DLGAP1: variants seen among roughly 807,000 people sequenced by gnomAD.
The protein encoded by DLGAP1 is DLG associated protein 1, also known as disks large-associated protein 1.
In DLGAP1, 11 loss-of-function variants were observed where a neutral mutation model predicts 90.8. That is an observed-to-expected ratio of 0.12 (90% confidence interval 0.08 to 0.20). DLGAP1 has a LOEUF of 0.20. Among genes scored for constraint, DLGAP1 ranks in the 10% least tolerant of loss-of-function variants. The probability of loss-of-function intolerance (pLI) is 1.00; values close to 1 mark genes in which losing one functional copy is unlikely to be tolerated. For missense variants in DLGAP1, 1,050 were observed against 1,333.8 expected (o/e 0.79, Z 3.31); for synonymous variants, 558 against 540.7 (o/e 1.03, Z -0.44).
chr18:3,799,730 G>A (rs892301132), intron 5 of DLGAP1, among the ~76,000 whole-genome samples: 2 of 151,952 alleles, frequency 1.3e-5, no homozygotes, highest in African/African-American at 2.4e-5. Context: ...TGAGGGCTGC[G>A]GAGTGCAGGC....
intron 1 of DLGAP1, among the ~76,000 whole-genome samples, chr18:4,315,003 T>C (rs1042226347): frequency 6.6e-6 from 1 of 152,216 alleles, no homozygotes; most frequent in Non-Finnish European, 1.5e-5. Context: ...TTGGGACTTA[T>C]GAAATTTATT....
intron 10 of DLGAP1, among the ~76,000 whole-genome samples, chr18:3,515,689 GGA>G (rs2050800390): frequency 6.6e-6 from 1 of 150,594 alleles, no homozygotes; most frequent in South Asian, 2.1e-4. Context: ...TGAGTTGGGA[GGA>G]TCACCTGAGC....
chr18:4,225,413 A>G (rs2078165107), intron 1 of DLGAP1, among the ~76,000 whole-genome samples: 1 of 152,058 alleles, frequency 6.6e-6, no homozygotes, highest in African/African-American at 2.4e-5. Context: ...ATCTACAAGC[A>G]TCAAGACGAT....
intron 3 of DLGAP1, among the ~76,000 whole-genome samples, chr18:3,914,681 A>G (rs62083587): frequency 0.062 from 9,430 of 152,158 alleles, 396 homozygotes; most frequent in Non-Finnish European, 0.083. Context: ...GTTCCCACCA[A>G]TAGTGTACAA....
intron 3 of DLGAP1, among the ~76,000 whole-genome samples, chr18:3,992,896 A>G (rs1483333176): frequency 1.3e-5 from 2 of 152,332 alleles, no homozygotes; most frequent in Non-Finnish European, 2.9e-5. Context: ...GCAATTCACA[A>G]GACACCTCAG....
intron 3 of DLGAP1, among the ~76,000 whole-genome samples, chr18:3,948,672 A>G (rs921937777): frequency 7.9e-5 from 12 of 152,212 alleles, no homozygotes; most frequent in Non-Finnish European, 1.6e-4. Flanking sequence ...ACTGCAGACT[A>G]TTATTCTAAG....
intron 1 of DLGAP1, among the ~76,000 whole-genome samples, chr18:4,198,092 T>C (rs141256132): frequency 3.7e-4 from 56 of 151,778 alleles, no homozygotes; most frequent in Middle Eastern, 3.4e-3. Context: ...GGCGTGGTGG[T>C]GGGCGCCTGT....
chr18:4,325,848 T>C (rs563985795), intron 1 of DLGAP1, among the ~76,000 whole-genome samples: 14 of 152,112 alleles, frequency 9.2e-5, no homozygotes, highest in South Asian at 2.1e-4. Context: ...TTACACCACA[T>C]ACAAAAATAA....
chr18:3,646,446 A>G (rs1189965185), intron 7 of DLGAP1, among the ~76,000 whole-genome samples: 1 of 152,202 alleles, frequency 6.6e-6, no homozygotes, highest in Non-Finnish European at 1.5e-5. Flanking sequence ...TACTTAAACC[A>G]AAACCATAAT....
chr18:3,684,689 G>A (rs554237728), intron 7 of DLGAP1, among the ~76,000 whole-genome samples: 3 of 152,226 alleles, frequency 2.0e-5, no homozygotes, highest in African/African-American at 4.8e-5. Context: ...GGGCAGTTGC[G>A]GTGTTCACTG....
chr18:3,536,162 G>GTTTC (rs200870309), intron 9 of DLGAP1, among the ~76,000 whole-genome samples: 6 of 150,628 alleles, frequency 4.0e-5, no homozygotes, highest in East Asian at 1.9e-4. Context: ...ACTGAAGTAA[G>GTTTC]TTTCTTTCTT....
intron 1 of DLGAP1, among the ~76,000 whole-genome samples, chr18:4,358,299 T>G (rs7244931): frequency 1.2e-4 from 19 of 152,190 alleles, no homozygotes; most frequent in Non-Finnish European, 2.5e-4. Flanking sequence ...TCTTTGAAAT[T>G]GGGTGATCAT....
chr18:3,913,832 A>G (rs2072085501), intron 3 of DLGAP1, among the ~76,000 whole-genome samples: 1 of 152,240 alleles, frequency 6.6e-6, no homozygotes, highest in Non-Finnish European at 1.5e-5. Context: ...TACAAGGAAC[A>G]TTACATGAAA....
chr18:4,416,661 G>A (rs2082906512), intron 1 of DLGAP1, among the ~76,000 whole-genome samples: 1 of 152,048 alleles, frequency 6.6e-6, no homozygotes, highest in Admixed American at 6.6e-5. Context: ...TTTGTTTACT[G>A]CCAAAGAGGC....
At chr18:4,077,640 C>G (rs1251205150) in intron 2 of DLGAP1, among the ~76,000 whole-genome samples, 1 of 152,120 alleles carries the variant, frequency 6.6e-6, no homozygotes, top group Admixed American at 6.6e-5. Flanking sequence ...TTCTCTCCCC[C>G]TCTGCCACAA....
At chr18:4,032,410 GT>G (rs1451532771) in intron 2 of DLGAP1, among the ~76,000 whole-genome samples, 1 of 152,018 alleles carries the variant, frequency 6.6e-6, no homozygotes, top group African/African-American at 2.4e-5. Flanking sequence ...AGATACCTTG[GT>G]TTTTCCCCAA....
At chr18:3,993,708 C>T (rs1351520522) in intron 3 of DLGAP1, among the ~76,000 whole-genome samples, 1 of 152,082 alleles carries the variant, frequency 6.6e-6, no homozygotes, top group Non-Finnish European at 1.5e-5. Flanking sequence ...AATGGGACCT[C>T]CTAAGCGATT....
At chr18:3,685,334 G>C (rs979912373) in intron 7 of DLGAP1, among the ~76,000 whole-genome samples, 1 of 152,034 alleles carries the variant, frequency 6.6e-6, no homozygotes, top group African/African-American at 2.4e-5. Context: ...GGCCAAGGCG[G>C]GTGGACCACT....
chr18:4,140,575 T>C (rs557615984), intron 2 of DLGAP1, among the ~76,000 whole-genome samples: 1 of 152,080 alleles, frequency 6.6e-6, no homozygotes, highest in South Asian at 2.1e-4. Context: ...CACCACAATT[T>C]ACAACACCAC....
Sources: allele counts gnomAD v4.1 joint callset (sites outside exome capture counted in the v4.1 genomes callset), GRCh38; gene constraint gnomAD v4.1.1; transcripts MANE v1.5; gene names NCBI Gene and HGNC (gene_info 2026-07-23, HGNC 2026-07-21).